Variants in CCDC6 observed in about 807,000 individuals in gnomAD.
The protein encoded by CCDC6 is coiled-coil domain-containing protein 6.
CCDC6 carries 20 observed loss-of-function variants against 56.6 expected under a neutral mutation model. The ratio of observed to expected loss-of-function variants is 0.35; its 90% CI spans 0.25 to 0.51. The LOEUF (loss-of-function observed/expected upper bound fraction) is 0.51. Ranked by LOEUF, CCDC6 falls within the 20% of genes least tolerant of loss-of-function variation. The pLI, the probability that CCDC6 is intolerant of heterozygous loss-of-function variation, is 0.95. For missense variants in CCDC6, 367 were observed against 601.1 expected, an observed-to-expected ratio of 0.61 and a Z score of 4.07; for synonymous variants, 241 against 234.4, an observed-to-expected ratio of 1.03 and a Z score of -0.26.
intron 2 of CCDC6, among the ~76,000 whole-genome samples, chr10:59,852,159 A>G (rs1485409455): frequency 1.3e-5 from 2 of 152,164 alleles, no homozygotes; most frequent in East Asian, 3.9e-4. Flanking sequence ...TCATATCCTC[A>G]TATTTTAGTG....
chr10:59,844,445 C>CAAAAAAA (rs1307586294), intron 2 of CCDC6, among the ~76,000 whole-genome samples: 35 of 149,428 alleles, frequency 2.3e-4, no homozygotes, highest in African/African-American at 8.6e-4. Context: ...AAAAAAGCTC[C>CAAAAAAA]ATGGAAAAGA....
At chr10:59,899,746 G>A (rs747656464) in intron 1 of CCDC6, among the ~76,000 whole-genome samples, 1 of 152,168 alleles carries the variant, frequency 6.6e-6, no homozygotes, top group Admixed American at 6.5e-5. Context: ...TTTCCTCCAA[G>A]CCCTGCTCAG....
intron 1 of CCDC6, among the ~76,000 whole-genome samples, chr10:59,855,705 A>G (rs1296045818): frequency 6.6e-6 from 1 of 152,230 alleles, no homozygotes; most frequent in East Asian, 1.9e-4. Flanking sequence ...CAACCTTCCC[A>G]ATATACTAAA....
intron 3 of CCDC6, among the ~76,000 whole-genome samples, chr10:59,822,380 A>AGT (rs200563444): frequency 0.2 from 29,895 of 152,108 alleles, 3,624 homozygotes; most frequent in Middle Eastern, 0.29. Flanking sequence ...CATCACTTTA[A>AGT]CATCAACATA....
Position 59,793,032 on chromosome 10 carries a change from G to A in CCDC6, c.1310C>T (p.Pro437Leu), listed in dbSNP as rs761964569. The change falls in exon 9 of 9, where the codon CCA becomes CTA. Residue 437 changes from proline (P) to leucine (L), a missense_variant. Pro to Leu is a moderately conservative substitution (Grantham distance 98, BLOSUM62 -3). Around this residue, in one of 7 missense-constraint regions of CCDC6, gnomAD observed 54 missense variants for 60.0 expected, o/e 0.90. Transcript: ENST00000263102. Reference protein sequence around the residue: ...TPPPSPNTQTPVQPPPPPPPP... With the variant: ...TPPPSPNTQTLVQPPPPPPPP... The stretch of plus-strand genomic sequence containing the variant: ...AGGTGGAGGCGGAGGTGGCTGGACT[G>A]GGGTCTGTGTGTTGGGAGATGGAGG... 1.2e-5 allele frequency: 19 copies of A among 1,613,424 alleles called. No individual in the cohort carries two copies. The South Asian group carries it at 2.0e-4, about 17-fold the overall frequency.
intron 3 of CCDC6, among the ~76,000 whole-genome samples, chr10:59,830,929 T>C (rs2070830072): frequency 6.6e-6 from 1 of 152,194 alleles, no homozygotes; most frequent in African/African-American, 2.4e-5. Flanking sequence ...ACAACCATCA[T>C]TGTGAAGGGC....
intron 1 of CCDC6, among the ~76,000 whole-genome samples, chr10:59,862,824 AT>A (rs1184657090): frequency 6.6e-6 from 1 of 152,104 alleles, no homozygotes; most frequent in African/African-American, 2.4e-5. Flanking sequence ...ATTGGTACAA[AT>A]ATTTTGAAAA....
At position 59,862,501 on chromosome 10, in the gene CCDC6, G is replaced by GTATATATATATATATATA. The variant is rs146237484; in HGVS notation, c.304-9800_304-9799insTATATATATATATATATA. Among the ~76,000 whole-genome samples, 36 of 85,024 alleles carry GTATATATATATATATATA rather than the reference G, an allele frequency of 4.2e-4. 1 individual carries two copies. The highest frequency in any genetic ancestry group is 1.3e-3 in the South Asian group (3 of 2,360). 55.8% of individuals were successfully genotyped at this position (85,024 alleles called of 152,430 possible). On this transcript the variant is annotated intron_variant, in intron 1 of 8. Coordinates refer to ENST00000263102, the MANE Select transcript of CCDC6 (RefSeq NM_005436.5). ...AGGTTCTGTCTCAAGAAAAAAAAAAGTATATATATATATATACACACACAC... is the reference window on the plus strand; with the variant it reads ...AGGTTCTGTCTCAAGAAAAAAAAAAGTATATATATATATATATATATATATATATATATACACACACAC...
intron 3 of CCDC6, among the ~76,000 whole-genome samples, chr10:59,829,906 A>G (rs2070821337): frequency 6.6e-6 from 1 of 152,216 alleles, no homozygotes; most frequent in Non-Finnish European, 1.5e-5. Context: ...TATGTAAATT[A>G]CATCTCACTA....
At chr10:59,906,089 C>G in intron 1 of CCDC6, 33 bp downstream of exon 1, 2 of 1,529,384 alleles carry the variant, frequency 1.3e-6, no homozygotes, top group Non-Finnish European at 1.8e-6. Flanking sequence ...GGGCGGAGGT[C>G]GGCGCTGCGG....
chr10:59,814,732 A>T lies in CCDC6; in HGVS notation c.606T>A (p.Leu202=). Residue 202 remains leucine, a synonymous_variant, in exon 4 of 9, where the codon CTT becomes CTA. Transcript: ENST00000263102. ...CTTGTTCTTGTTCCAATGTATTTTC[A>T]AGGTCAATCTTCTCCCGTCTCAACT... The part of the protein sequence containing the change: ...LEQLRREKID[L]ENTLEQEQEA... The T allele has an allele frequency of 6.2e-7, 1 of 1,612,216 alleles. No homozygotes were observed. Among genetic ancestry groups the T allele is most frequent in the Non-Finnish European group, 8.5e-7 (1 of 1,178,344 alleles).
rs528066422 is a variant in CCDC6 at position 59,871,685 on chromosome 10, C to G, written c.304-18983G>C. On this transcript the variant is annotated intron_variant, in intron 1 of 8. Coordinates refer to ENST00000263102, the MANE Select transcript of CCDC6 (RefSeq NM_005436.5). Reference sequence around the variant, plus strand: ...TTAACTCTTAATTAACCTTGGCAAGCTACTTTCTTTCTTCAGCCTGCCTAC... The same window carrying G: ...TTAACTCTTAATTAACCTTGGCAAGGTACTTTCTTTCTTCAGCCTGCCTAC... Among the ~76,000 whole-genome samples the G allele has an allele frequency of 2.0e-5, 3 of 152,196 alleles. No homozygotes were observed. In the South Asian group the frequency reaches 6.2e-4, roughly 32 times the overall value.
intron 3 of CCDC6, among the ~76,000 whole-genome samples, chr10:59,821,342 T>C (rs2070748365): frequency 6.6e-6 from 1 of 152,144 alleles, no homozygotes; most frequent in Non-Finnish European, 1.5e-5. Context: ...AGTAAAGCAA[T>C]GGAGACAAGT....
chr10:59,861,038 T>C (rs938738022), intron 1 of CCDC6, among the ~76,000 whole-genome samples: 4 of 152,014 alleles, frequency 2.6e-5, no homozygotes, highest in Non-Finnish European at 5.9e-5. Context: ...CTACTAAAAA[T>C]GCAAAAACTT....
intron 1 of CCDC6, among the ~76,000 whole-genome samples, chr10:59,862,516 TACACACACACACACACAC>T (rs60162547): frequency 7.2e-5 from 7 of 97,202 alleles, no homozygotes; most frequent in Admixed American, 1.1e-4. Flanking sequence ...TATATATATA[TACACACACACACACACAC>T]ACACACACAC....
intron 7 of CCDC6, 146 bp from the exon 8 acceptor site, chr10:59,794,743 T>C: frequency 1.5e-6 from 1 of 653,132 alleles, no homozygotes; most frequent in South Asian, 1.9e-5. Context: ...CTAAATGGTG[T>C]GGATAACAAG....
chr10:59,903,605 G>A (rs746413276), intron 1 of CCDC6, among the ~76,000 whole-genome samples: 18 of 152,042 alleles, frequency 1.2e-4, no homozygotes, highest in Non-Finnish European at 2.2e-4. Flanking sequence ...GGACATGAAC[G>A]TTAATATCAT....
chr10:59,851,131 GAAAA>G (rs372606692), intron 2 of CCDC6, among the ~76,000 whole-genome samples: 21 of 46,748 alleles, frequency 4.5e-4, no homozygotes, highest in African/African-American at 9.8e-4. Context: ...CATGTAAATT[GAAAA>G]AAAAAAAAAA....
chr10:59,881,356 C>T (rs531894441), intron 1 of CCDC6, among the ~76,000 whole-genome samples: 6 of 151,966 alleles, frequency 3.9e-5, no homozygotes, highest in Non-Finnish European at 7.4e-5. Flanking sequence ...ATCCCGGCAG[C>T]ACATTCATAA....
Sources: allele counts gnomAD v4.1 joint callset (sites outside exome capture counted in the v4.1 genomes callset), GRCh38; gene constraint gnomAD v4.1.1; regional missense constraint gnomAD v4.1.1; transcripts MANE v1.5; gene names NCBI Gene and HGNC (gene_info 2026-07-23, HGNC 2026-07-21).